FOXD1: variants seen among roughly 807,000 people sequenced by gnomAD.
FOXD1 encodes forkhead box protein D1.
A neutral mutation model predicts 2.0 loss-of-function variants in FOXD1; 4 were observed. That is an observed-to-expected ratio of 2.03 (90% CI 1.00 to 4.64). FOXD1 has a LOEUF of 4.64. Ranked by LOEUF, FOXD1 falls within the 30% of genes most tolerant of loss-of-function variation. The pLI is 0.01. For synonymous variants in FOXD1, 354 were observed against 328.5 expected (o/e 1.08, Z -0.84); for missense variants, 586 against 647.6 (o/e 0.90, Z 1.03).
chr5:73,448,247 CCCT>C lies in FOXD1; in HGVS notation c.113_115del (p.Glu38del), dbSNP rs1745548514. On this transcript the variant is annotated inframe_deletion, in exon 1 of 1. Transcript: ENST00000615637. ...AGCCAGCCGGGGCCCGCCACCGCCG[CCCT>C]CGTCGTCGTCCTCCTCTTCCTCGTC... 6.7e-7 allele frequency: 1 copy of C among 1,483,116 alleles called. No individual in the cohort carries two copies. Among genetic ancestry groups the C allele is most frequent in the Admixed American group, 2.2e-5 (1 of 44,500 alleles). 91.9% of individuals were successfully genotyped at this position (1,483,116 alleles called of 1,614,324 possible). A position where few individuals can be genotyped will look rare whatever the true frequency, so the allele number is the denominator to read the frequency against.
rs1282872955 is a variant in FOXD1, at chr5:73,447,454, GGCGGCGGCGGCGGCGGCGGCCGCT to G, written c.885_908del (p.Ala296_Ala303del). 28 of 977,842 alleles carry G rather than the reference GGCGGCGGCGGCGGCGGCGGCCGCT, an allele frequency of 2.9e-5. No homozygotes were observed. The highest frequency in any genetic ancestry group is 3.4e-5 in the Non-Finnish European group (28 of 825,226). 60.6% of individuals were successfully genotyped at this position (977,842 alleles called of 1,614,324 possible). ...GCGGCGGGGGCGAGTGCGGGTGGAA[GGCGGCGGCGGCGGCGGCGGCCGCT>G]GCGGCGGCGAAGAGGGCCGAGGGCG... On this transcript the variant is annotated inframe_deletion, in exon 1 of 1. Coordinates refer to ENST00000615637, the MANE Select transcript of FOXD1 (RefSeq NM_004472.3). The surrounding 1 kb of genome is among the most constrained non-coding windows in gnomAD (Gnocchi z 7.8).
chr5:73,447,070 G>GGCC lies in FOXD1; in HGVS notation c.1290_1292dup (p.Ala434dup). 6.6e-7 allele frequency: 1 copy of GGCC among 1,514,484 alleles called. No homozygotes were observed. Among genetic ancestry groups the GGCC allele is most frequent in the Middle Eastern group, 2.0e-4 (1 of 4,920 alleles). 93.8% of individuals were successfully genotyped at this position (1,514,484 alleles called of 1,614,324 possible). On this transcript the variant is annotated inframe_insertion, in exon 1 of 1. Transcript: ENST00000615637. The surrounding 1 kb of genome is among the most constrained non-coding windows in gnomAD (Gnocchi z 7.8). ...ACGAGGAGACTGAGGAGGCGGCGGC[G>GGCC]GCCGCGGCGGCCACGAGGGATCGGG... is the stretch of plus-strand genomic sequence containing the variant.
chr5:73,446,682 G>A lies in FOXD1; in HGVS notation c.*283C>T, dbSNP rs1158251993. On this transcript the variant is annotated 3_prime_UTR_variant, in exon 1 of 1. Coordinates refer to ENST00000615637, the MANE Select transcript of FOXD1 (RefSeq NM_004472.3). ...ACGTCAAGGGAGCCTCTAGTGCCTG[G>A]ACAGGGCGGACTCCCTTCCCCGGCA... 2 of 379,274 alleles carry A rather than the reference G, an allele frequency of 5.3e-6. No homozygotes were observed. Among genetic ancestry groups the A allele is most frequent in the African/African-American group, 4.3e-5 (2 of 46,054 alleles). The allele number at this position is 379,274 out of a possible 1,614,324, so 23.5% of individuals were successfully genotyped here.
In FOXD1 at chr5:73,447,619, C is replaced by G. The variant is rs921299597; in HGVS notation, c.744G>C (p.Ala248=). The stretch of plus-strand genomic sequence containing the variant: ...GCGCGGCGGCGGCTGCCGGGTCGCC[C>G]GCGCCCCCTGCGGCTCCCGCGCCGC... The part of the protein sequence containing the change: ...LLRGAGAAGG[A]GDPAAAAALF... Residue 248 remains alanine, a synonymous_variant, in exon 1 of 1, where the codon GCG becomes GCC. Coordinates refer to ENST00000615637, the MANE Select transcript of FOXD1 (RefSeq NM_004472.3). The surrounding 1 kb of genome is among the most constrained non-coding windows in gnomAD (Gnocchi z 7.8). The G allele has an allele frequency of 1.5e-6, 2 of 1,316,306 alleles. No individual in the cohort carries two copies. Among genetic ancestry groups the G allele is most frequent in the Non-Finnish European group, 1.9e-6 (2 of 1,033,206 alleles). 81.5% of individuals were successfully genotyped at this position (1,316,306 alleles called of 1,614,324 possible).
Position 73,447,621 on chromosome 5 carries a change from C to G in FOXD1, c.742G>C (p.Ala248Pro). ...LLRGAGAAGGAGDPAAAAALF... is the reference protein window; with the variant it reads ...LLRGAGAAGGPGDPAAAAALF... The stretch of plus-strand genomic sequence containing the variant: ...GCGGCGGCGGCTGCCGGGTCGCCCG[C>G]GCCCCCTGCGGCTCCCGCGCCGCGC... The change falls in exon 1 of 1, where the codon GCG (alanine) becomes CCG (proline). Residue 248 changes from alanine (A) to proline (P), a missense_variant. By Grantham distance (27) the Ala-to-Pro change is conservative (BLOSUM62 -1). Coordinates refer to ENST00000615637, the MANE Select transcript of FOXD1 (RefSeq NM_004472.3). This position sits in a 1 kb window ranked among gnomAD's most constrained non-coding sequence, Gnocchi z 7.8. The G allele has an allele frequency of 7.6e-7, 1 of 1,323,356 alleles. No individual in the cohort carries two copies. The highest frequency in any genetic ancestry group is 9.6e-7 in the Non-Finnish European group (1 of 1,037,076). 82.0% of individuals were successfully genotyped at this position (1,323,356 alleles called of 1,614,324 possible). A position where few individuals can be genotyped will look rare whatever the true frequency, so the allele number is the denominator to read the frequency against.
At position 73,448,121 on chromosome 5, in the gene FOXD1, G is replaced by C; in HGVS notation, c.242C>G (p.Pro81Arg). 7 of 1,285,186 alleles carry C rather than the reference G, an allele frequency of 5.4e-6. No individual in the cohort carries two copies. The highest frequency in any genetic ancestry group is 6.9e-6 in the Non-Finnish European group (7 of 1,008,526). 79.6% of individuals were successfully genotyped at this position (1,285,186 alleles called of 1,614,324 possible). Residue 81 changes from proline (P) to arginine (R), a missense_variant, in exon 1 of 1, where the codon CCG (proline) becomes CGG (arginine). By Grantham distance (103) the Pro-to-Arg change is moderately radical. Transcript: ENST00000615637. ...GGGCGCCGGGGAGCCCCCAGCAGGC[G>C]GGGCCAGCAGGATGTCATCGTCGTC... ...EEDDDDILLAPPAGGSPAPPG... is the reference protein window; with the variant it reads ...EEDDDDILLARPAGGSPAPPG...
Position 73,446,820 on chromosome 5 carries a change from T to C in FOXD1, c.*145A>G, listed in dbSNP as rs1295033056. The C allele has an allele frequency of 2.8e-6, 2 of 721,062 alleles. No homozygotes were observed. The highest frequency in any genetic ancestry group is 3.7e-5 in the African/African-American group (2 of 53,660). 44.7% of individuals were successfully genotyped at this position (721,062 alleles called of 1,614,324 possible). On this transcript the variant is annotated 3_prime_UTR_variant, in exon 1 of 1. Coordinates refer to ENST00000615637, the MANE Select transcript of FOXD1 (RefSeq NM_004472.3). ...GGCGCGCCCGGGCTGTTGACAGTTT[T>C]GTCCGAGAATTCGCAGCGGCGAAAA...
At position 73,446,426 on chromosome 5, in the gene FOXD1, G is replaced by A. The variant is rs1289302178; in HGVS notation, c.*539C>T. The stretch of plus-strand genomic sequence containing the variant: ...ACGTCTGTTATGATACAAAACACAG[G>A]TTGAAATAAATGATAATTTTGACTT... On this transcript the variant is annotated 3_prime_UTR_variant, in exon 1 of 1. Coordinates refer to ENST00000615637, the MANE Select transcript of FOXD1 (RefSeq NM_004472.3). The A allele has an allele frequency of 1.3e-5, 2 of 155,442 alleles. No individual in the cohort carries two copies. Among genetic ancestry groups the A allele is most frequent in the Admixed American group, 6.5e-5 (1 of 15,324 alleles). The allele number at this position is 155,442 out of a possible 1,614,324, so 9.6% of individuals were successfully genotyped here.
chr5:73,447,733 G>A lies in FOXD1; in HGVS notation c.630C>T (p.Asp210=). The A allele has an allele frequency of 1.9e-6, 3 of 1,610,746 alleles. No individual in the cohort carries two copies. The highest frequency in any genetic ancestry group is 2.5e-6 in the Non-Finnish European group (3 of 1,178,564). The change falls in exon 1 of 1, where the codon GAC becomes GAT. Residue 210 remains aspartate, a synonymous_variant. Coordinates refer to ENST00000615637, the MANE Select transcript of FOXD1 (RefSeq NM_004472.3). This position sits in a 1 kb window ranked among gnomAD's most constrained non-coding sequence, Gnocchi z 7.8. ...TCCTCCGGCGCAGGAAGCTGCCGTT[G>A]TCGAACATGTCGGCGGACTCCGGGT... ...TLDPESADMF[D]NGSFLRRRKR... is the part of the protein sequence containing the mutation.
Position 73,447,682 on chromosome 5 carries a change from G to T in FOXD1, c.681C>A (p.Leu227=), listed in dbSNP as rs367705300. 355 of 1,602,274 alleles carry T rather than the reference G, an allele frequency of 2.2e-4. 2 individuals are homozygous for T. In the African/African-American group the frequency reaches 4.2e-3, roughly 19 times the overall value. Reference sequence around the variant, plus strand: ...ACTCGGCGGCCGCGGCGTTGGGTGGGAGCAGCGGCTGCCGCTTGAAGCGCT... The same window carrying T: ...ACTCGGCGGCCGCGGCGTTGGGTGGTAGCAGCGGCTGCCGCTTGAAGCGCT... ...RRKRFKRQPL[L]PPNAAAAESL... The change falls in exon 1 of 1, where the codon CTC becomes CTA. Residue 227 remains leucine (L), a synonymous_variant. Coordinates refer to ENST00000615637, the MANE Select transcript of FOXD1 (RefSeq NM_004472.3). This position sits in a 1 kb window ranked among gnomAD's most constrained non-coding sequence, Gnocchi z 7.8.
In FOXD1 at chr5:73,447,365, G is replaced by C. The variant is rs1745522373; in HGVS notation, c.998C>G (p.Pro333Arg). 2 of 983,168 alleles carry C rather than the reference G, an allele frequency of 2.0e-6. No homozygotes were observed. The highest frequency in any genetic ancestry group is 9.0e-5 in the South Asian group (2 of 22,144). 60.9% of individuals were successfully genotyped at this position (983,168 alleles called of 1,614,324 possible). A position where few individuals can be genotyped will look rare whatever the true frequency, so the allele number is the denominator to read the frequency against. The change falls in exon 1 of 1, where the codon CCG (proline) becomes CGG (arginine). Residue 333 changes from proline (P) to arginine (R), a missense_variant. Transcript: ENST00000615637. The surrounding 1 kb of genome is among the most constrained non-coding windows in gnomAD (Gnocchi z 7.8). Reference protein sequence around the residue: ...ARTAFGYRPHPLGAALPGPLP... With the variant: ...ARTAFGYRPHRLGAALPGPLP... ...GGGGCCGGGTAGGGCGGCGCCGAGC[G>C]GGTGCGGCCGGTAGCCGAAGGCGGT...
chr5:73,448,143 C>G lies in FOXD1; in HGVS notation c.220G>C (p.Asp74His). Residue 74 changes from aspartate to histidine, a missense_variant, in exon 1 of 1, where the codon GAC becomes CAC. Physicochemically the swap from Asp to His is moderately conservative, Grantham distance 81. This residue lies in a region of FOXD1 where 183 missense variants were observed against 159.2 expected (regional missense o/e 1.15). Transcript: ENST00000615637. Reference sequence around the variant, plus strand: ...GGCGGGGCCAGCAGGATGTCATCGTCGTCCTCCTCCTCCTCCAGATCCTCC... The same window carrying G: ...GGCGGGGCCAGCAGGATGTCATCGTGGTCCTCCTCCTCCTCCAGATCCTCC... ...ELEDLEEEED[D>H]DDILLAPPAG... The G allele has an allele frequency of 1.4e-6, 2 of 1,389,022 alleles. No homozygotes were observed. The highest frequency in any genetic ancestry group is 1.9e-6 in the Non-Finnish European group (2 of 1,063,358). The allele number at this position is 1,389,022 out of a possible 1,614,324, so 86.0% of individuals were successfully genotyped here.
rs1225610688 is a variant in FOXD1 at position 73,447,453 on chromosome 5, AGGCGGCGGCGGCGGC to A, written c.895_909del (p.Ala299_Ala303del). ...GGCGGCGGGGGCGAGTGCGGGTGGA[AGGCGGCGGCGGCGGC>A]GGCGGCCGCTGCGGCGGCGAAGAGG... On this transcript the variant is annotated inframe_deletion, in exon 1 of 1. Coordinates refer to ENST00000615637, the MANE Select transcript of FOXD1 (RefSeq NM_004472.3). This position sits in a 1 kb window ranked among gnomAD's most constrained non-coding sequence, Gnocchi z 7.8. 5.1e-6 allele frequency: 5 copies of A among 983,606 alleles called. No homozygotes were observed. In the South Asian group the frequency reaches 1.8e-4, roughly 36 times the overall value. 60.9% of individuals were successfully genotyped at this position (983,606 alleles called of 1,614,324 possible).
At position 73,447,347 on chromosome 5, in the gene FOXD1, G is replaced by A; in HGVS notation, c.1016C>T (p.Pro339Leu). The stretch of plus-strand genomic sequence containing the variant: ...GGCCGCGGAGGCCGGCAGGGGGCCG[G>A]GTAGGGCGGCGCCGAGCGGGTGCGG... ...YRPHPLGAAL[P>L]GPLPASAAKA... The change falls in exon 1 of 1, where the codon CCC becomes CTC. Residue 339 changes from proline to leucine, a missense_variant. By Grantham distance (98) the Pro-to-Leu change is moderately conservative. This residue lies in a region of FOXD1 where 253 missense variants were observed against 234.4 expected (regional missense o/e 1.08). Transcript: ENST00000615637. The surrounding 1 kb of genome is among the most constrained non-coding windows in gnomAD (Gnocchi z 7.8). 3 of 983,788 alleles carry A rather than the reference G, an allele frequency of 3.0e-6. No homozygotes were observed. The highest frequency in any genetic ancestry group is 2.4e-6 in the Non-Finnish European group (2 of 830,252). 60.9% of individuals were successfully genotyped at this position (983,788 alleles called of 1,614,324 possible). A position where few individuals can be genotyped will look rare whatever the true frequency, so the allele number is the denominator to read the frequency against.
Position 73,448,068 on chromosome 5 carries a change from C to T in FOXD1, c.295G>A (p.Gly99Arg). 1 of 1,154,058 alleles carries T rather than the reference C, an allele frequency of 8.7e-7. No homozygotes were observed. 71.5% of individuals were successfully genotyped at this position (1,154,058 alleles called of 1,614,324 possible). Residue 99 changes from glycine to arginine, a missense_variant, in exon 1 of 1, where the codon GGA (glycine) becomes AGA (arginine). Transcript: ENST00000615637. ...PPGPAPAAGA[G>R]AGGGGGGGGA... is the part of the protein sequence containing the mutation. ...CCGCCGCCGCCGCCCCCACCGGCTC[C>T]TGCCCCCGCCGCCGGGGCCGGGCCC...
chr5:73,446,724 C>T lies in FOXD1; in HGVS notation c.*241G>A, dbSNP rs1745501800. 2.3e-6 allele frequency: 1 copy of T among 441,424 alleles called. No individual in the cohort carries two copies. The highest frequency in any genetic ancestry group is 5.1e-5 in the East Asian group (1 of 19,628). The allele number at this position is 441,424 out of a possible 1,614,324, so 27.3% of individuals were successfully genotyped here. A position where few individuals can be genotyped will look rare whatever the true frequency, so the allele number is the denominator to read the frequency against. ...TCCCCGGCACCCTCTTCCTCCCTAC[C>T]CCAGGTCGGGGGTTGGGGGGCTGTA... On this transcript the variant is annotated 3_prime_UTR_variant, in exon 1 of 1. Coordinates refer to ENST00000615637, the MANE Select transcript of FOXD1 (RefSeq NM_004472.3).
In FOXD1 at chr5:73,448,193, C is replaced by G; in HGVS notation, c.170G>C (p.Arg57Pro). Residue 57 changes from arginine (R) to proline (P), a missense_variant, in exon 1 of 1, where the codon CGC becomes CCC. This residue lies in a region of FOXD1 where 183 missense variants were observed against 159.2 expected (regional missense o/e 1.15). Coordinates refer to ENST00000615637, the MANE Select transcript of FOXD1 (RefSeq NM_004472.3). ...AVPAQRRRRR[R>P]SYAGEDELED... ...CAGCTCGTCCTCCCCGGCGTACGAG[C>G]GCCGCCGCCGCCGCCGCTGCGCGGG... 1 of 1,383,436 alleles carries G rather than the reference C, an allele frequency of 7.2e-7. No individual in the cohort carries two copies. 85.7% of individuals were successfully genotyped at this position (1,383,436 alleles called of 1,614,324 possible).
Position 73,446,736 on chromosome 5 carries a change from G to C in FOXD1, c.*229C>G, listed in dbSNP as rs1745502460. 1 of 462,802 alleles carries C rather than the reference G, an allele frequency of 2.2e-6. No homozygotes were observed. The highest frequency in any genetic ancestry group is 4.7e-5 in the East Asian group (1 of 21,466). The allele number at this position is 462,802 out of a possible 1,614,324, so 28.7% of individuals were successfully genotyped here. A position where few individuals can be genotyped will look rare whatever the true frequency, so the allele number is the denominator to read the frequency against. On this transcript the variant is annotated 3_prime_UTR_variant, in exon 1 of 1. Coordinates refer to ENST00000615637, the MANE Select transcript of FOXD1 (RefSeq NM_004472.3). ...TCTTCCTCCCTACCCCAGGTCGGGG[G>C]TTGGGGGGCTGTAGCATAGGTCGGC...
At position 73,446,758 on chromosome 5, in the gene FOXD1, C is replaced by A; in HGVS notation, c.*207G>T. On this transcript the variant is annotated 3_prime_UTR_variant, in exon 1 of 1. Transcript: ENST00000615637. ...GGGGTTGGGGGGCTGTAGCATAGGTCGGCTTTGCATAAATAGAGGGACCCG... is the reference window on the plus strand; with the variant it reads ...GGGGTTGGGGGGCTGTAGCATAGGTAGGCTTTGCATAAATAGAGGGACCCG... 1.9e-6 allele frequency: 1 copy of A among 518,180 alleles called. No homozygotes were observed. Among genetic ancestry groups the A allele is most frequent in the Non-Finnish European group, 3.5e-6 (1 of 287,844 alleles). The allele number at this position is 518,180 out of a possible 1,614,324, so 32.1% of individuals were successfully genotyped here. A position where few individuals can be genotyped will look rare whatever the true frequency, so the allele number is the denominator to read the frequency against.
Sources: allele counts gnomAD v4.1 joint callset, GRCh38; gene constraint gnomAD v4.1.1; regional missense constraint gnomAD v4.1.1; non-coding constraint Gnocchi (gnomAD v3.1); transcripts MANE v1.5; gene names NCBI Gene and HGNC (gene_info 2026-07-23, HGNC 2026-07-21).